Variants in KCTD20 observed in about 807,000 individuals in gnomAD.
The protein encoded by KCTD20 is BTB/POZ domain-containing protein KCTD20.
Under a neutral mutation model 39.6 loss-of-function variants are expected in KCTD20, and 30 were observed. The observed-to-expected ratio is 0.76, with a 90% CI of 0.57 to 1.03. The LOEUF (loss-of-function observed/expected upper bound fraction) is 1.03, where lower values mean the gene tolerates loss of function less well. Among genes scored for constraint, KCTD20 ranks in the 50% least tolerant of loss-of-function variants. The pLI is 0.00. For missense variants in KCTD20, 422 were observed against 522.0 expected (o/e 0.81, Z 1.87); for synonymous variants, 162 against 180.6 (o/e 0.90, Z 0.83).
chr6:36,444,035 C>G (rs1421650380), intron 1 of KCTD20, among the ~76,000 whole-genome samples: 2 of 152,156 alleles, frequency 1.3e-5, no homozygotes, highest in African/African-American at 4.8e-5. Context: ...GACTTCCGCT[C>G]AAGGCCCCCA....
chr6:36,481,308 G>A lies in KCTD20; in HGVS notation c.659-254G>A, dbSNP rs1008865629. 2.6e-5 allele frequency among the ~76,000 whole-genome samples: 4 copies of A among 152,104 alleles called. No homozygotes were observed. The South Asian group carries it at 8.3e-4, about 31-fold the overall frequency. On this transcript the variant is annotated intron_variant, in intron 5 of 7. Transcript: ENST00000373731. ...TATAGGATTAACATGGTCTGACCTT[G>A]TAAGTCCAACAAAACCTCGATCAGA...
Position 36,488,074 on chromosome 6 carries a change from C to T in KCTD20, c.*899C>T, listed in dbSNP as rs1776480019. The stretch of plus-strand genomic sequence containing the variant: ...TCAAGATGAGGACAGAAATTGCTTA[C>T]AATTGCTCAGTTTCTCAACAGAAAG... On this transcript the variant is annotated 3_prime_UTR_variant, in exon 8 of 8. Transcript: ENST00000373731. 1 of 152,172 alleles carries T rather than the reference C, an allele frequency of 6.6e-6. No homozygotes were observed. 9.4% of individuals were successfully genotyped at this position (152,172 alleles called of 1,614,324 possible). A position where few individuals can be genotyped will look rare whatever the true frequency, so the allele number is the denominator to read the frequency against.
rs1443516241 is a variant in KCTD20, at chr6:36,479,717, T to C, written c.658+6T>C. ...TATCCGATGTCAAGATCTGAGTAAGTACAGGAGCAGGTGCCAGCTGCACTT... is the reference window on the plus strand; with the variant it reads ...TATCCGATGTCAAGATCTGAGTAAGCACAGGAGCAGGTGCCAGCTGCACTT... On this transcript the variant is annotated splice_donor_region_variant and intron_variant, in intron 5 of 7. Coordinates refer to ENST00000373731, the MANE Select transcript of KCTD20 (RefSeq NM_173562.5). The C allele has an allele frequency of 6.2e-7, 1 of 1,600,100 alleles. No individual in the cohort carries two copies. The highest frequency in any genetic ancestry group is 8.5e-7 in the Non-Finnish European group (1 of 1,176,188).
At chr6:36,455,917 A>C (rs1404338184) in intron 1 of KCTD20, among the ~76,000 whole-genome samples, 2 of 152,222 alleles carry the variant, frequency 1.3e-5, no homozygotes, top group Non-Finnish European at 2.9e-5. Context: ...ATACCTTGAC[A>C]GCAACACCTG....
intron 1 of KCTD20, 49 bp from the exon 2 acceptor site, chr6:36,470,003 T>C: frequency 1.7e-6 from 2 of 1,167,184 alleles, no homozygotes; most frequent in Non-Finnish European, 2.3e-6. Flanking sequence ...TGGAATTCCT[T>C]AGAAATCTGT....
chr6:36,455,463 A>C (rs752265406), intron 1 of KCTD20, among the ~76,000 whole-genome samples: 4 of 152,216 alleles, frequency 2.6e-5, no homozygotes, highest in Non-Finnish European at 5.9e-5. Flanking sequence ...GCTGCTTTCT[A>C]CTTAGCTTTA....
chr6:36,458,541 C>CAAAA (rs1174858102), intron 1 of KCTD20, among the ~76,000 whole-genome samples: 3 of 66,872 alleles, frequency 4.5e-5, no homozygotes, highest in South Asian at 5.6e-4. Context: ...AACTCCATCT[C>CAAAA]AAAAAAAAAA....
intron 1 of KCTD20, among the ~76,000 whole-genome samples, chr6:36,460,429 G>A (rs912573352): frequency 1.3e-5 from 2 of 151,802 alleles, no homozygotes; most frequent in African/African-American, 4.8e-5. Context: ...TCGGCCTCCC[G>A]AGTAGTTAGA....
intron 3 of KCTD20, among the ~76,000 whole-genome samples, chr6:36,476,750 G>A (rs1161457255): frequency 4.6e-5 from 7 of 151,996 alleles, no homozygotes; most frequent in Non-Finnish European, 7.4e-5. Flanking sequence ...TTTTTAATTA[G>A]AACCAAACCT....
intron 7 of KCTD20, among the ~76,000 whole-genome samples, chr6:36,485,488 C>CTTTT (rs34990483): frequency 4.3e-4 from 42 of 97,108 alleles, no homozygotes; most frequent in East Asian, 9.3e-4. Context: ...TGGAGTGGAT[C>CTTTT]TTTTTTTTTT....
chr6:36,470,674 T>C (rs1775885621), intron 2 of KCTD20, among the ~76,000 whole-genome samples: 1 of 152,148 alleles, frequency 6.6e-6, no homozygotes, highest in African/African-American at 2.4e-5. Flanking sequence ...CGATCTTGGC[T>C]CACTGCAGCT....
intron 1 of KCTD20, among the ~76,000 whole-genome samples, chr6:36,458,896 T>G (rs1775519689): frequency 6.6e-6 from 1 of 151,942 alleles, no homozygotes; most frequent in South Asian, 2.1e-4. Flanking sequence ...TTCCAGCTAC[T>G]TGGGAGGCTG....
intron 1 of KCTD20, among the ~76,000 whole-genome samples, chr6:36,463,169 G>C (rs1775649096): frequency 6.6e-6 from 1 of 152,118 alleles, no homozygotes; most frequent in Admixed American, 6.5e-5. Context: ...TGGTAATAAA[G>C]CCTTGTTTAT....
intron 1 of KCTD20, among the ~76,000 whole-genome samples, chr6:36,464,355 C>G (rs942293449): frequency 1.3e-5 from 2 of 152,162 alleles, no homozygotes; most frequent in Admixed American, 6.5e-5. Flanking sequence ...GGGTCTTGCT[C>G]TGTCATGGGT....
chr6:36,468,506 G>A (rs1187384403), intron 1 of KCTD20, among the ~76,000 whole-genome samples: 1 of 152,102 alleles, frequency 6.6e-6, no homozygotes, highest in African/African-American at 2.4e-5. Context: ...GGAATATTAT[G>A]GTTCAAAACC....
intron 2 of KCTD20, among the ~76,000 whole-genome samples, chr6:36,471,856 T>TC (rs1479499680): frequency 2.6e-5 from 4 of 151,866 alleles, no homozygotes; most frequent in African/African-American, 9.7e-5. Flanking sequence ...ATTTCTTTTT[T>TC]TTTTTTTTTT....
At chr6:36,466,181 G>T (rs545006694) in intron 1 of KCTD20, among the ~76,000 whole-genome samples, 4 of 151,156 alleles carry the variant, frequency 2.6e-5, no homozygotes, top group Non-Finnish European at 4.4e-5. Flanking sequence ...TCCTGCCTCA[G>T]CCTCCCGAGT....
chr6:36,463,127 G>C (rs1582328109), intron 1 of KCTD20, among the ~76,000 whole-genome samples: 2 of 152,128 alleles, frequency 1.3e-5, no homozygotes, highest in South Asian at 4.1e-4. Context: ...CTTCACTCTA[G>C]CCTGATTGGT....
chr6:36,473,987 C>T (rs1775987518), intron 2 of KCTD20, among the ~76,000 whole-genome samples: 1 of 152,100 alleles, frequency 6.6e-6, no homozygotes, highest in South Asian at 2.1e-4. Flanking sequence ...ATGCCTTTTA[C>T]TGTGAATTTC....
Sources: gnomAD v4.1 joint callset for allele counts (sites outside exome capture counted in the v4.1 genomes callset) on GRCh38, gnomAD v4.1.1 for gene constraint, MANE v1.5 for transcripts, NCBI Gene and HGNC (gene_info 2026-07-23, HGNC 2026-07-21) for gene names.